The following PREX2 variants were observed in gnomAD, a reference collection of about 807,000 sequenced individuals.
PREX2 encodes phosphatidylinositol-3,4,5-trisphosphate dependent Rac exchange factor 2, also known as phosphatidylinositol 3,4,5-trisphosphate-dependent Rac exchanger 2 protein.
In PREX2, 107 loss-of-function variants were observed where a neutral mutation model predicts 203.2. The ratio of observed to expected loss-of-function variants is 0.53; its 90% CI spans 0.45 to 0.62. The LOEUF is 0.62. PREX2 is among the 20% of genes least tolerant of loss of function. PREX2 has a pLI of 0.00. For missense variants in PREX2, 1,777 were observed against 1,955.9 expected, an observed-to-expected ratio of 0.91 and a Z score of 1.72; for synonymous variants, 672 against 663.6, an observed-to-expected ratio of 1.01 and a Z score of -0.19.
intron 1 of PREX2, among the ~76,000 whole-genome samples, chr8:67,971,303 T>G (rs1277929343): frequency 6.6e-6 from 1 of 152,062 alleles, no homozygotes; most frequent in African/African-American, 2.4e-5. Flanking sequence ...TTCATTAAGC[T>G]CAACAAAAGT....
chr8:68,206,149 ATCCTGTTGTTTAC>A (rs1424287904), intron 37 of PREX2, among the ~76,000 whole-genome samples: 1 of 152,176 alleles, frequency 6.6e-6, no homozygotes, highest in Non-Finnish European at 1.5e-5. Flanking sequence ...TGGGTTTTGA[ATCCTGTTGTTTAC>A]TCGCTGTGCA....
At chr8:68,009,114 C>T (rs1010544019) in intron 1 of PREX2, among the ~76,000 whole-genome samples, 19 of 152,252 alleles carry the variant, frequency 1.2e-4, no homozygotes, top group Admixed American at 6.5e-4. Context: ...CGTCGGGCAG[C>T]GACAGATCTT....
chr8:68,069,649 AT>A (rs1366832146), intron 12 of PREX2, among the ~76,000 whole-genome samples, 185 bp from the exon 13 acceptor site: 1 of 149,588 alleles, frequency 6.7e-6, no homozygotes, highest in African/African-American at 2.5e-5. Context: ...TTTTAATCCT[AT>A]TCTTTAATGA....
At chr8:68,199,719 T>G (rs1039692088) in intron 37 of PREX2, among the ~76,000 whole-genome samples, 2 of 152,238 alleles carry the variant, frequency 1.3e-5, no homozygotes, top group African/African-American at 4.8e-5. Flanking sequence ...CAATTAACAA[T>G]TTAAAAACCC....
At chr8:68,063,481 A>G (rs943873114) in intron 11 of PREX2, among the ~76,000 whole-genome samples, 3 of 152,172 alleles carry the variant, frequency 2.0e-5, no homozygotes, top group African/African-American at 4.8e-5. Context: ...GTCAGACCCT[A>G]GACCCTGCAT....
At chr8:68,198,586 A>G (rs1055340023) in intron 37 of PREX2, among the ~76,000 whole-genome samples, 9 of 152,176 alleles carry the variant, frequency 5.9e-5, no homozygotes, top group Admixed American at 1.3e-4. Context: ...TCTTTAACCA[A>G]TATAAATCAG....
At chr8:68,206,188 A>G (rs1197506843) in intron 37 of PREX2, among the ~76,000 whole-genome samples, 1 of 152,198 alleles carries the variant, frequency 6.6e-6, no homozygotes, top group Non-Finnish European at 1.5e-5. Context: ...GTGAGTGATT[A>G]TATCACCTCG....
intron 34 of PREX2, among the ~76,000 whole-genome samples, chr8:68,151,864 A>G (rs1041387479): frequency 1.3e-5 from 2 of 151,906 alleles, no homozygotes; most frequent in Non-Finnish European, 2.9e-5. Flanking sequence ...CTCTGAGAAT[A>G]ATAAAAATCA....
intron 37 of PREX2, among the ~76,000 whole-genome samples, chr8:68,205,306 T>A (rs1203120725): frequency 6.6e-6 from 1 of 152,196 alleles, no homozygotes; most frequent in East Asian, 1.9e-4. Flanking sequence ...GTCCTTTTTT[T>A]CTCCACATAA....
intron 33 of PREX2, among the ~76,000 whole-genome samples, chr8:68,145,308 T>A (rs1811303537): frequency 6.6e-6 from 1 of 152,250 alleles, no homozygotes; most frequent in African/African-American, 2.4e-5. Flanking sequence ...ATGTTTCCCA[T>A]ATTGGTATGC....
At chr8:68,048,034 T>C (rs1426092783) in intron 8 of PREX2, among the ~76,000 whole-genome samples, 2 of 152,024 alleles carry the variant, frequency 1.3e-5, no homozygotes, top group Admixed American at 6.6e-5. Flanking sequence ...CAAAAATTTG[T>C]ATATATATTT....
In PREX2 at chr8:68,126,059, A is replaced by G. The variant is rs1000293770; in HGVS notation, c.3725-1319A>G. On this transcript the variant is annotated intron_variant, in intron 30 of 39. Coordinates refer to ENST00000288368, the MANE Select transcript of PREX2 (RefSeq NM_024870.4). Reference sequence around the variant, plus strand: ...AGCCATTTTTCAGTGGGGCTTTCTAATCATATCCCAATCTCAGTCTCTTAA... The same window carrying G: ...AGCCATTTTTCAGTGGGGCTTTCTAGTCATATCCCAATCTCAGTCTCTTAA... Among the ~76,000 whole-genome samples the G allele has an allele frequency of 2.0e-5, 3 of 152,106 alleles. No individual in the cohort carries two copies. The South Asian group carries it at 6.2e-4, about 31-fold the overall frequency.
At chr8:68,018,546 A>G (rs1285813833) in intron 2 of PREX2, among the ~76,000 whole-genome samples, 1 of 152,186 alleles carries the variant, frequency 6.6e-6, no homozygotes, top group Non-Finnish European at 1.5e-5. Context: ...GCTGAGCCGT[A>G]TAAGAGGATT....
chr8:68,086,100 A>G (rs948157393), intron 18 of PREX2, among the ~76,000 whole-genome samples: 1 of 152,226 alleles, frequency 6.6e-6, no homozygotes, highest in Admixed American at 6.5e-5. Flanking sequence ...AAAGGAAATG[A>G]ATACAGCCCT....
At position 68,022,176 on chromosome 8, in the gene PREX2, T is replaced by C. The variant is rs540721436; in HGVS notation, c.441+36T>C. The C allele has an allele frequency of 8.7e-6, 9 of 1,033,392 alleles. No homozygotes were observed. The South Asian group carries it at 1.0e-4, about 12-fold the overall frequency. 64.0% of individuals were successfully genotyped at this position (1,033,392 alleles called of 1,614,324 possible). On this transcript the variant is annotated intron_variant, in intron 4 of 39. Coordinates refer to ENST00000288368, the MANE Select transcript of PREX2 (RefSeq NM_024870.4). ...ATTTATGTGTTACTGTATGTTGATATGTGTTGCTAGATCCAGTGAGAGCCA... is the reference window on the plus strand; with the variant it reads ...ATTTATGTGTTACTGTATGTTGATACGTGTTGCTAGATCCAGTGAGAGCCA...
intron 1 of PREX2, among the ~76,000 whole-genome samples, chr8:67,965,818 G>A (rs1212303383): frequency 6.6e-6 from 1 of 152,022 alleles, no homozygotes; most frequent in Non-Finnish European, 1.5e-5. Context: ...TTTCTAGCAA[G>A]GACAATTAGC....
intron 37 of PREX2, among the ~76,000 whole-genome samples, chr8:68,206,273 A>G (rs768416357): frequency 4.6e-5 from 7 of 152,234 alleles, no homozygotes; most frequent in Non-Finnish European, 1.0e-4. Context: ...TTAAAAGAGC[A>G]GCGTATGTGA....
intron 14 of PREX2, 147 bp downstream of exon 14, chr8:68,072,717 T>C: frequency 2.0e-6 from 1 of 498,744 alleles, no homozygotes; most frequent in African/African-American, 2.0e-5. Context: ...AGTTAGGATT[T>C]GAACCTAGAT....
intron 34 of PREX2, among the ~76,000 whole-genome samples, chr8:68,148,900 A>G (rs1472722723): frequency 2.0e-5 from 3 of 152,220 alleles, no homozygotes; most frequent in African/African-American, 7.2e-5. Flanking sequence ...GTAGCTTAGT[A>G]TTCATAGATT....
Sources: allele counts gnomAD v4.1 joint callset (sites outside exome capture counted in the v4.1 genomes callset), GRCh38; gene constraint gnomAD v4.1.1; transcripts MANE v1.5; gene names NCBI Gene and HGNC (gene_info 2026-07-23, HGNC 2026-07-21).